Variants in CA7 observed in about 807,000 individuals in gnomAD.
CA7 encodes the protein carbonate dehydratase VII.
In CA7, 13 loss-of-function variants were observed where a neutral mutation model predicts 31.4. That is an observed-to-expected ratio of 0.41 (90% confidence interval 0.27 to 0.66). CA7 has a LOEUF of 0.66. CA7 is among the 30% of genes least tolerant of loss of function. CA7 has a pLI of 0.28. For missense variants in CA7, 215 were observed against 351.0 expected, an observed-to-expected ratio of 0.61 and a Z score of 3.10; for synonymous variants, 128 against 133.2, an observed-to-expected ratio of 0.96 and a Z score of 0.27.
At chr16:66,845,675 T>C (rs1050708328) in intron 1 of CA7, among the ~76,000 whole-genome samples, 1 of 152,006 alleles carries the variant, frequency 6.6e-6, no homozygotes, top group African/African-American at 2.4e-5. Flanking sequence ...ACAGGACCCA[T>C]AGGGATCATC....
intron 1 of CA7, among the ~76,000 whole-genome samples, chr16:66,846,720 C>T (rs2145377496): frequency 6.6e-6 from 1 of 152,194 alleles, no homozygotes; most frequent in East Asian, 1.9e-4. Context: ...TGGAGGTCTC[C>T]CTGTTGGGGA....
rs574663304 is a variant in CA7, at chr16:66,850,759, G to A, written c.357+100G>A. The A allele has an allele frequency of 4.5e-5, 39 of 871,014 alleles. No individual in the cohort carries two copies. The Admixed American group carries it at 5.0e-4, about 11-fold the overall frequency. The allele number at this position is 871,014 out of a possible 1,614,324, so 54.0% of individuals were successfully genotyped here. A position where few individuals can be genotyped will look rare whatever the true frequency, so the allele number is the denominator to read the frequency against. On this transcript the variant is annotated intron_variant, in intron 3 of 6. Transcript: ENST00000338437. ...GATGCCTGGGGTCGGGCCTTGGAGA[G>A]GGGGAAGAGGAGCACCCGGGGCCTT... is the stretch of plus-strand genomic sequence containing the variant.
chr16:66,844,461 G>A lies in CA7; in HGVS notation c.-27G>A. 1.3e-6 allele frequency: 2 copies of A among 1,537,222 alleles called. No homozygotes were observed. Among genetic ancestry groups the A allele is most frequent in the Non-Finnish European group, 8.8e-7 (1 of 1,141,214 alleles). On this transcript the variant is annotated 5_prime_UTR_variant, in exon 1 of 7. The change creates a new upstream start codon in the 5' untranslated region. Transcript: ENST00000338437. ...CGAGCGGACCGAGCCGACCGGGCAG[G>A]TGCACGGCTGCGGGGACGGCAGCGG...
intron 2 of CA7, among the ~76,000 whole-genome samples, chr16:66,848,154 G>T (rs1279271064): frequency 6.6e-6 from 1 of 152,222 alleles, no homozygotes; most frequent in African/African-American, 2.4e-5. Context: ...GACCTTTCAT[G>T]AGAAGAGTGA....
chr16:66,851,834 G>A, intron 5 of CA7, 108 bp downstream of exon 5: 4 of 965,578 alleles, frequency 4.1e-6, no homozygotes, highest in Non-Finnish European at 6.5e-6. Flanking sequence ...CCCTTGCTGA[G>A]ACCAAGGAGG....
At chr16:66,849,491 G>A (rs375452494) in intron 2 of CA7, among the ~76,000 whole-genome samples, 1 of 152,172 alleles carries the variant, frequency 6.6e-6, no homozygotes, top group Admixed American at 6.5e-5. Context: ...CAAATGCCTC[G>A]TCATCACTGT....
chr16:66,851,928 G>C (rs1961064608), intron 5 of CA7, among the ~76,000 whole-genome samples: 1 of 152,138 alleles, frequency 6.6e-6, no homozygotes, highest in Admixed American at 6.5e-5. Context: ...AGCCCGGCTA[G>C]GTATAAAATT....
intron 5 of CA7, among the ~76,000 whole-genome samples, chr16:66,852,155 T>G (rs1405188279): frequency 2.0e-5 from 3 of 152,118 alleles, no homozygotes; most frequent in African/African-American, 4.8e-5. Context: ...GAGGCCTAAA[T>G]CCTGCTGATA....
At chr16:66,849,150 G>C (rs1250701312) in intron 2 of CA7, among the ~76,000 whole-genome samples, 2 of 152,188 alleles carry the variant, frequency 1.3e-5, no homozygotes, top group Admixed American at 1.3e-4. Context: ...TCCACCTCCA[G>C]ATCCCTTTCA....
intron 1 of CA7, among the ~76,000 whole-genome samples, 167 bp downstream of exon 1, chr16:66,844,694 C>T (rs113655527): frequency 0.014 from 2,196 of 152,370 alleles, 51 homozygotes; most frequent in South Asian, 0.095. Context: ...AAGCCTTGGT[C>T]CCCCGCGCCA....
rs1485689922 is a variant in CA7 at position 66,851,768 on chromosome 16, G to A, written c.516+42G>A. 4.5e-6 allele frequency: 7 copies of A among 1,571,188 alleles called. No individual in the cohort carries two copies. The East Asian group carries it at 1.6e-4, about 36-fold the overall frequency. ...TGACCCAAGCAGCCCGATGGGGAGA[G>A]AGGAAGAGGCTGGCTCACAAGTTGG... On this transcript the variant is annotated intron_variant, in intron 5 of 6. Coordinates refer to ENST00000338437, the MANE Select transcript of CA7 (RefSeq NM_005182.3).
At chr16:66,848,630 C>T (rs1385347495) in intron 2 of CA7, among the ~76,000 whole-genome samples, 1 of 152,186 alleles carries the variant, frequency 6.6e-6, no homozygotes, top group East Asian at 1.9e-4. Context: ...CACTCACCCA[C>T]TGTGGGTCAC....
chr16:66,850,407 C>T, intron 2 of CA7, 134 bp from the exon 3 acceptor site: 1 of 689,144 alleles, frequency 1.5e-6, no homozygotes, highest in Non-Finnish European at 2.6e-6. Context: ...CACCATGGCA[C>T]TCCAGCCTGG....
chr16:66,850,989 C>T (rs1961035600), intron 3 of CA7, among the ~76,000 whole-genome samples: 1 of 152,180 alleles, frequency 6.6e-6, no homozygotes, highest in South Asian at 2.1e-4. Flanking sequence ...CTTCCCCTCA[C>T]CTCTTCATAC....
chr16:66,845,896 A>G (rs1170103587), intron 1 of CA7, among the ~76,000 whole-genome samples: 1 of 152,250 alleles, frequency 6.6e-6, no homozygotes, highest in Non-Finnish European at 1.5e-5. Context: ...GACAGAGGAC[A>G]GAGGTGCCGG....
At chr16:66,845,662 T>C (rs1228992722) in intron 1 of CA7, among the ~76,000 whole-genome samples, 3 of 152,088 alleles carry the variant, frequency 2.0e-5, no homozygotes, top group African/African-American at 7.2e-5. Context: ...ATGGGGCAGA[T>C]GGACAGGACC....
chr16:66,845,138 C>G, intron 1 of CA7: 1 of 985,600 alleles, frequency 1.0e-6, no homozygotes. Context: ...CGTGGGAGCC[C>G]GTGGCCCACA....
At chr16:66,850,747 G>A (rs1169836151) in intron 3 of CA7, 88 bp downstream of exon 3, 14 of 980,748 alleles carry the variant, frequency 1.4e-5, no homozygotes, top group Non-Finnish European at 2.1e-5. Flanking sequence ...GCCTGGGGTC[G>A]GGCCTTGGAG....
chr16:66,846,999 C>T (rs1567505207), intron 1 of CA7, 31 bp from the exon 2 acceptor site: 1 of 1,606,400 alleles, frequency 6.2e-7, no homozygotes, highest in East Asian at 2.2e-5. Context: ...TCCTGGCTGG[C>T]CTGAGTCCTT....
Sources: gnomAD v4.1 joint callset for allele counts (sites outside exome capture counted in the v4.1 genomes callset) on GRCh38, gnomAD v4.1.1 for gene constraint, MANE v1.5 for transcripts, NCBI Gene and HGNC (gene_info 2026-07-23, HGNC 2026-07-21) for gene names.